HS3ST5: variants seen among roughly 807,000 people sequenced by gnomAD.
HS3ST5 encodes the protein heparan sulfate-glucosamine 3-sulfotransferase 5, also known as heparan sulfate glucosamine 3-O-sulfotransferase 5.
HS3ST5 carries 10 observed loss-of-function variants against 25.4 expected under a neutral mutation model. That is an observed-to-expected ratio of 0.39 (90% CI 0.24 to 0.67). The LOEUF (loss-of-function observed/expected upper bound fraction) is 0.67. HS3ST5 is among the 30% of genes least tolerant of loss of function. The pLI is 0.44. For synonymous variants in HS3ST5, 170 were observed against 162.4 expected (o/e 1.05, Z -0.36); for missense variants, 324 against 420.7 (o/e 0.77, Z 2.01).
At chr6:114,077,239 T>C (rs1354672290) in intron 3 of HS3ST5, among the ~76,000 whole-genome samples, 1 of 152,204 alleles carries the variant, frequency 6.6e-6, no homozygotes, top group Admixed American at 6.5e-5. Context: ...TAATTCTGCT[T>C]CTGCTCAGGG....
At chr6:114,311,537 C>CTTT in intron 1 of HS3ST5, among the ~76,000 whole-genome samples, 2 of 105,302 alleles carry the variant, frequency 1.9e-5, no homozygotes, top group African/African-American at 7.7e-5. Flanking sequence ...CTTTCTCTCT[C>CTTT]TCTTTTTTTT....
intron 1 of HS3ST5, among the ~76,000 whole-genome samples, chr6:114,241,759 G>A (rs1225512425): frequency 6.6e-6 from 1 of 152,034 alleles, no homozygotes; most frequent in African/African-American, 2.4e-5. Context: ...TTGTGGTGGG[G>A]GTGTATAATA....
chr6:114,209,630 T>C (rs1289463231), intron 2 of HS3ST5, among the ~76,000 whole-genome samples: 1 of 152,222 alleles, frequency 6.6e-6, no homozygotes, highest in Non-Finnish European at 1.5e-5. Flanking sequence ...TTCCAATTTT[T>C]ATTTTGCTAT....
At chr6:114,137,518 C>G (rs971525503) in intron 3 of HS3ST5, among the ~76,000 whole-genome samples, 13 of 151,942 alleles carry the variant, frequency 8.6e-5, no homozygotes, top group African/African-American at 3.1e-4. Context: ...ATTAAGTTGG[C>G]CAAACAAAAG....
intron 3 of HS3ST5, among the ~76,000 whole-genome samples, chr6:114,075,538 G>A (rs531530064): frequency 1.3e-5 from 2 of 152,304 alleles, no homozygotes; most frequent in African/African-American, 4.8e-5. Context: ...GTTTACGTGG[G>A]GCTGTGTGCT....
At chr6:114,071,977 G>A (rs762222721) in intron 3 of HS3ST5, among the ~76,000 whole-genome samples, 1 of 152,088 alleles carries the variant, frequency 6.6e-6, no homozygotes, top group Non-Finnish European at 1.5e-5. Context: ...TGGGGCAGTG[G>A]GCATTCTTGT....
At chr6:114,093,281 C>T (rs1775226791) in intron 3 of HS3ST5, among the ~76,000 whole-genome samples, 1 of 151,780 alleles carries the variant, frequency 6.6e-6, no homozygotes, top group Non-Finnish European at 1.5e-5. Context: ...TGAATATGCA[C>T]CTGCCTGTTC....
intron 1 of HS3ST5, among the ~76,000 whole-genome samples, chr6:114,274,419 T>C (rs762073699): frequency 3.9e-5 from 6 of 152,060 alleles, no homozygotes; most frequent in Non-Finnish European, 7.4e-5. Context: ...TGTTTTTCTC[T>C]AGAAAGGTTG....
chr6:114,248,375 AT>A (rs1772484793), intron 1 of HS3ST5, among the ~76,000 whole-genome samples: 2 of 151,848 alleles, frequency 1.3e-5, no homozygotes, highest in African/African-American at 4.8e-5. Context: ...AAAGATTGCT[AT>A]AAAATTATGC....
At chr6:114,321,481 T>TG (rs1775968561) in intron 1 of HS3ST5, among the ~76,000 whole-genome samples, 1 of 152,126 alleles carries the variant, frequency 6.6e-6, no homozygotes, top group East Asian at 1.9e-4. Flanking sequence ...GCTTGAGTTA[T>TG]TGCTCTGTGT....
intron 3 of HS3ST5, among the ~76,000 whole-genome samples, chr6:114,135,935 A>T (rs1777577076): frequency 2.0e-5 from 3 of 152,164 alleles, no homozygotes; most frequent in Admixed American, 6.5e-5. Context: ...CATATCACTC[A>T]TGGTCATTTC....
rs959381464 is a variant in HS3ST5 at position 114,228,711 on chromosome 6, G to C, written c.-271C>G. ...AAAACAGGTCAGGGAGACTCCTGGG[G>C]TGGCCACCAGAAATGCCGTTGAGAA... is the stretch of plus-strand genomic sequence containing the variant. On this transcript the variant is annotated 5_prime_UTR_variant, in exon 2 of 5. Transcript: ENST00000312719. The C allele has an allele frequency of 1.1e-4, 16 of 152,100 alleles. No homozygotes were observed. Among genetic ancestry groups the C allele is most frequent in the African/African-American group, 3.6e-4 (15 of 41,394 alleles). The allele number at this position is 152,100 out of a possible 1,614,324, so 9.4% of individuals were successfully genotyped here.
chr6:114,247,109 T>C (rs555906336), intron 1 of HS3ST5, among the ~76,000 whole-genome samples: 1 of 152,360 alleles, frequency 6.6e-6, no homozygotes, highest in African/African-American at 2.4e-5. Context: ...GCCATCATGG[T>C]GGAACTGGTA....
At chr6:114,064,741 C>T (rs1364320484) in intron 3 of HS3ST5, among the ~76,000 whole-genome samples, 1 of 152,114 alleles carries the variant, frequency 6.6e-6, no homozygotes, top group African/African-American at 2.4e-5. Context: ...TGCATACTTA[C>T]AAATTGTATT....
chr6:114,079,309 G>A (rs563041430), intron 3 of HS3ST5, among the ~76,000 whole-genome samples: 12 of 152,264 alleles, frequency 7.9e-5, no homozygotes, highest in African/African-American at 2.9e-4. Context: ...CTCTCAAAAT[G>A]TGTCTCTACT....
intron 3 of HS3ST5, among the ~76,000 whole-genome samples, chr6:114,128,503 C>A (rs1319656618): frequency 1.3e-5 from 2 of 152,078 alleles, no homozygotes; most frequent in African/African-American, 2.4e-5. Flanking sequence ...AAAGTTCCTG[C>A]CTTCACGAAT....
chr6:114,182,229 TC>T, intron 2 of HS3ST5, among the ~76,000 whole-genome samples: 1 of 152,288 alleles, frequency 6.6e-6, no homozygotes, highest in Middle Eastern at 3.4e-3. Context: ...AGATTGATCA[TC>T]CCTAAGCTGC....
intron 3 of HS3ST5, among the ~76,000 whole-genome samples, chr6:114,099,503 T>C (rs1220965488): frequency 6.6e-6 from 1 of 152,130 alleles, no homozygotes; most frequent in Non-Finnish European, 1.5e-5. Context: ...ATCATAAAAT[T>C]TAGAGTACTG....
chr6:114,302,476 G>T (rs1318502303), intron 1 of HS3ST5, among the ~76,000 whole-genome samples: 1 of 152,102 alleles, frequency 6.6e-6, no homozygotes, highest in Non-Finnish European at 1.5e-5. Flanking sequence ...TGCTACTTAA[G>T]TAAAACCTAG....
Sources: allele counts gnomAD v4.1 joint callset (sites outside exome capture counted in the v4.1 genomes callset), GRCh38; gene constraint gnomAD v4.1.1; transcripts MANE v1.5; gene names NCBI Gene and HGNC (gene_info 2026-07-23, HGNC 2026-07-21).